The following SNAPC1 variants were observed in gnomAD, a reference collection of about 807,000 sequenced individuals.
SNAPC1 encodes small nuclear RNA activating complex polypeptide 1, also known as snRNA-activating protein complex subunit 1.
SNAPC1 carries 42 observed loss-of-function variants against 50.1 expected under a neutral mutation model. The observed-to-expected ratio is 0.84, with a 90% CI of 0.65 to 1.08. SNAPC1 has a LOEUF of 1.08. Ranked by LOEUF, SNAPC1 falls within the 50% of genes least tolerant of loss-of-function variation. The probability of loss-of-function intolerance (pLI) is 0.00; values close to 1 mark genes in which losing one functional copy is unlikely to be tolerated. For missense variants in SNAPC1, 477 were observed against 427.3 expected, an observed-to-expected ratio of 1.12 and a Z score of -1.02; for synonymous variants, 164 against 144.2, an observed-to-expected ratio of 1.14 and a Z score of -0.98.
intron 4 of SNAPC1, 27 bp downstream of exon 4, chr14:61,768,767 AT>A (rs1398669941): frequency 7.8e-7 from 1 of 1,282,388 alleles, no homozygotes; most frequent in Non-Finnish European, 1.1e-6. Flanking sequence ...GCTCTTGAAA[AT>A]TTTTAAAAAT....
intron 1 of SNAPC1, among the ~76,000 whole-genome samples, chr14:61,765,919 A>G (rs796478158): frequency 2.0e-5 from 3 of 152,134 alleles, no homozygotes; most frequent in South Asian, 2.1e-4. Context: ...CTGTTTCTCT[A>G]TCTTTTTCGC....
intron 3 of SNAPC1, among the ~76,000 whole-genome samples, chr14:61,768,421 T>G (rs1001822606): frequency 6.6e-6 from 1 of 152,236 alleles, no homozygotes; most frequent in South Asian, 2.1e-4. Context: ...TTCTGTCTTA[T>G]CTGAATTTGT....
intron 8 of SNAPC1, among the ~76,000 whole-genome samples, chr14:61,789,006 G>A (rs1395433349): frequency 1.3e-5 from 2 of 152,200 alleles, no homozygotes; most frequent in African/African-American, 4.8e-5. Flanking sequence ...GCCGAGGCAG[G>A]CAGATCACAA....
At chr14:61,788,786 A>G (rs1317799259) in intron 8 of SNAPC1, among the ~76,000 whole-genome samples, 1 of 152,342 alleles carries the variant, frequency 6.6e-6, no homozygotes, top group East Asian at 1.9e-4. Context: ...CATGCTTTTT[A>G]GAATTGCTAG....
At chr14:61,768,503 A>G (rs545435975) in intron 3 of SNAPC1, 133 bp from the exon 4 acceptor site, 1 of 568,376 alleles carries the variant, frequency 1.8e-6, no homozygotes, top group South Asian at 2.4e-5. Flanking sequence ...TATTTAACAG[A>G]TGTACCCTTA....
chr14:61,772,650 A>G (rs943451576), intron 4 of SNAPC1, among the ~76,000 whole-genome samples: 5 of 152,218 alleles, frequency 3.3e-5, no homozygotes, highest in African/African-American at 9.6e-5. Context: ...TTGGCCTCCC[A>G]CAGTGCTGGG....
At chr14:61,787,511 G>T in intron 8 of SNAPC1, among the ~76,000 whole-genome samples, 1 of 152,048 alleles carries the variant, frequency 6.6e-6, no homozygotes, top group East Asian at 1.9e-4. Flanking sequence ...AGAGACTCCA[G>T]TGCAGCCACG....
chr14:61,795,719 A>G lies in SNAPC1; in HGVS notation c.*736A>G, dbSNP rs1181948068. ...ACAGAATAGTTGATATTAACAGAAA[A>G]AAAAAAATCTGTAGCTTCATGAATA... On this transcript the variant is annotated 3_prime_UTR_variant, in exon 10 of 10. Transcript: ENST00000216294. 6.6e-6 allele frequency: 1 copy of G among 152,154 alleles called. No homozygotes were observed. Among genetic ancestry groups the G allele is most frequent in the Admixed American group, 6.5e-5 (1 of 15,288 alleles). The allele number at this position is 152,154 out of a possible 1,614,324, so 9.4% of individuals were successfully genotyped here.
At chr14:61,780,739 T>C (rs1368102207) in intron 7 of SNAPC1, among the ~76,000 whole-genome samples, 1 of 152,184 alleles carries the variant, frequency 6.6e-6, no homozygotes, top group Admixed American at 6.5e-5. Context: ...CAGGTGGTCG[T>C]AGGTGTGTGG....
At chr14:61,765,010 TATTAG>T (rs571966852) in intron 1 of SNAPC1, among the ~76,000 whole-genome samples, 29 of 152,336 alleles carry the variant, frequency 1.9e-4, no homozygotes, top group Admixed American at 3.9e-4. Context: ...TTGTATAGCG[TATTAG>T]TCACTCGCAT....
intron 4 of SNAPC1, among the ~76,000 whole-genome samples, chr14:61,772,450 G>A (rs918769664): frequency 6.6e-6 from 1 of 152,174 alleles, no homozygotes; most frequent in African/African-American, 2.4e-5. Flanking sequence ...TCGGCATCTT[G>A]GCCAGGCTGG....
At chr14:61,768,607 C>T in intron 3 of SNAPC1, 29 bp from the exon 4 acceptor site, 1 of 1,134,582 alleles carries the variant, frequency 8.8e-7, no homozygotes, top group South Asian at 1.3e-5. Context: ...AAAAGATACT[C>T]ATTTAAAAAG....
intron 4 of SNAPC1, among the ~76,000 whole-genome samples, chr14:61,771,932 A>G: frequency 6.6e-6 from 1 of 152,192 alleles, no homozygotes; most frequent in East Asian, 1.9e-4. Flanking sequence ...AATGTTTGGA[A>G]TAGCGGTTGT....
chr14:61,782,166 T>C, intron 7 of SNAPC1, 81 bp from the exon 8 acceptor site: 1 of 1,049,096 alleles, frequency 9.5e-7, no homozygotes, highest in Non-Finnish European at 1.4e-6. Context: ...TCATCTTTGA[T>C]TGTACATTTT....
chr14:61,762,424 G>GCGTGCGGGCTTCGGAGT lies in SNAPC1; in HGVS notation c.-21_-20insTCGTGCGGGCTTCGGAG. The GCGTGCGGGCTTCGGAGT allele has an allele frequency of 6.2e-7, 1 of 1,604,060 alleles. No individual in the cohort carries two copies. The highest frequency in any genetic ancestry group is 8.5e-7 in the Non-Finnish European group (1 of 1,177,318). On this transcript the variant is annotated 5_prime_UTR_variant, in exon 1 of 10. Transcript: ENST00000216294. ...ACCACCGCTGGCTAGTCCGTTAGAG[G>GCGTGCGGGCTTCGGAGT]CGTGCGGGCTTCGGAGGCGTGCGGG...
chr14:61,793,900 C>T (rs909467436), intron 9 of SNAPC1, among the ~76,000 whole-genome samples: 1 of 152,166 alleles, frequency 6.6e-6, no homozygotes, highest in African/African-American at 2.4e-5. Context: ...AAGTGATCCG[C>T]TTGCCTTGGC....
chr14:61,795,085 T>A lies in SNAPC1; in HGVS notation c.*102T>A. 1 of 730,902 alleles carries A rather than the reference T, an allele frequency of 1.4e-6. No individual in the cohort carries two copies. Among genetic ancestry groups the A allele is most frequent in the East Asian group, 2.8e-5 (1 of 36,016 alleles). 45.3% of individuals were successfully genotyped at this position (730,902 alleles called of 1,614,324 possible). On this transcript the variant is annotated 3_prime_UTR_variant, in exon 10 of 10. Coordinates refer to ENST00000216294, the MANE Select transcript of SNAPC1 (RefSeq NM_003082.4). ...AAGACTGCCAGTATTAAAAAAATCCTTCTGGGAATCTGTAGGTTATTTCTT... is the reference window on the plus strand; with the variant it reads ...AAGACTGCCAGTATTAAAAAAATCCATCTGGGAATCTGTAGGTTATTTCTT...
chr14:61,772,321 C>T (rs969902021), intron 4 of SNAPC1, among the ~76,000 whole-genome samples: 3 of 152,022 alleles, frequency 2.0e-5, no homozygotes, highest in African/African-American at 4.8e-5. Context: ...GATCTTGGCT[C>T]ACTGCAACTG....
chr14:61,768,588 A>G, intron 3 of SNAPC1, 48 bp from the exon 4 acceptor site: 1 of 1,007,168 alleles, frequency 9.9e-7, no homozygotes, highest in Non-Finnish European at 1.5e-6. Flanking sequence ...ACTTTTAACA[A>G]TACTGTTTAA....
Sources: allele counts gnomAD v4.1 joint callset (sites outside exome capture counted in the v4.1 genomes callset), GRCh38; gene constraint gnomAD v4.1.1; transcripts MANE v1.5; gene names NCBI Gene and HGNC (gene_info 2026-07-23, HGNC 2026-07-21).